KL: variants seen among roughly 807,000 people sequenced by gnomAD.
KL encodes alpha-klotho.
Under a neutral mutation model 84.2 loss-of-function variants are expected in KL, and 62 were observed. The observed-to-expected ratio is 0.74, with a 90% CI of 0.60 to 0.91. KL has a LOEUF of 0.91. KL is among the 40% of genes least tolerant of loss of function. KL has a pLI of 0.00. For synonymous variants in KL, 528 were observed against 528.0 expected, an observed-to-expected ratio of 1.00 and a Z score of 0.00; for missense variants, 1,261 against 1,305.7, an observed-to-expected ratio of 0.97 and a Z score of 0.53.
intron 1 of KL, among the ~76,000 whole-genome samples, chr13:33,051,094 A>ACATTCTCT (rs1272664935): frequency 3.9e-5 from 6 of 152,310 alleles, no homozygotes; most frequent in African/African-American, 1.4e-4. Flanking sequence ...CTAGAGAGAG[A>ACATTCTCT]AGGGATACGC....
At chr13:33,017,651 G>A (rs1442186484) in intron 1 of KL, among the ~76,000 whole-genome samples, 1 of 152,232 alleles carries the variant, frequency 6.6e-6, no homozygotes, top group Non-Finnish European at 1.5e-5. Context: ...AAGCCGCACA[G>A]ATAGCATTAC....
intron 4 of KL, among the ~76,000 whole-genome samples, chr13:33,062,495 A>C (rs1214356846): frequency 6.6e-6 from 1 of 151,992 alleles, no homozygotes; most frequent in Non-Finnish European, 1.5e-5. Context: ...CAACATGGTG[A>C]AACCCCGTCT....
chr13:33,041,395 A>ACTTTTTAAATAGTGC (rs1403685783), intron 1 of KL, among the ~76,000 whole-genome samples: 1 of 142,004 alleles, frequency 7.0e-6, no homozygotes, highest in African/African-American at 2.5e-5. Flanking sequence ...TTTTGCCATT[A>ACTTTTTAAATAGTGC]CTTTTTAAAT....
At chr13:33,019,552 GC>G in intron 1 of KL, among the ~76,000 whole-genome samples, 1 of 152,072 alleles carries the variant, frequency 6.6e-6, no homozygotes, top group Non-Finnish European at 1.5e-5. Flanking sequence ...ATGATGGGAA[GC>G]TTGACCCCTC....
chr13:33,045,730 C>T (rs536567676), intron 1 of KL, among the ~76,000 whole-genome samples: 2 of 152,280 alleles, frequency 1.3e-5, no homozygotes, highest in South Asian at 2.1e-4. Context: ...CCGCCCGCCT[C>T]GGCCTCCCAA....
In KL at chr13:33,016,968, G is replaced by A. The variant is rs1487267871; in HGVS notation, c.528G>A (p.Leu176=). Residue 176 remains leucine (L), a synonymous_variant, in exon 1 of 5, where the codon CTG becomes CTA. Coordinates refer to ENST00000380099, the MANE Select transcript of KL (RefSeq NM_004795.4). ...NREGLRYYRR[L]LERLRELGVQ... ...AGGGGCTGCGCTACTACCGGCGCCTGCTGGAGCGGCTGCGGGAGCTGGGCG... is the reference window on the plus strand; with the variant it reads ...AGGGGCTGCGCTACTACCGGCGCCTACTGGAGCGGCTGCGGGAGCTGGGCG... 6.3e-7 allele frequency: 1 copy of A among 1,598,054 alleles called. No homozygotes were observed. The highest frequency in any genetic ancestry group is 2.2e-5 in the East Asian group (1 of 44,484).
intron 1 of KL, among the ~76,000 whole-genome samples, chr13:33,027,211 C>G (rs1870810011): frequency 6.6e-6 from 1 of 152,188 alleles, no homozygotes; most frequent in Admixed American, 6.5e-5. Context: ...TCTTCTCTAT[C>G]AGGCCCAGCT....
rs766088210 is a variant in KL at position 33,061,101 on chromosome 13, T to G, written c.2022T>G (p.Phe674Leu). 20 of 1,613,918 alleles carry G rather than the reference T, an allele frequency of 1.2e-5. No individual in the cohort carries two copies. The highest frequency in any genetic ancestry group is 1.4e-5 in the Non-Finnish European group (17 of 1,179,868). The change falls in exon 4 of 5, where the codon TTT becomes TTG. Residue 674 changes from phenylalanine (F) to leucine (L), a missense_variant. Phe to Leu is a conservative substitution (Grantham distance 22). Coordinates refer to ENST00000380099, the MANE Select transcript of KL (RefSeq NM_004795.4). ...TTGCAGAGTATGCCCGACTGTGCTT[T>G]CAAGAGCTCGGCCATCACGTCAAGC... ...LAFAEYARLC[F>L]QELGHHVKLW...
chr13:33,024,383 C>A (rs369932216), intron 1 of KL, among the ~76,000 whole-genome samples: 4 of 152,258 alleles, frequency 2.6e-5, no homozygotes, highest in African/African-American at 9.6e-5. Context: ...AGGGGAAAGT[C>A]GACCTATCTC....
intron 1 of KL, among the ~76,000 whole-genome samples, chr13:33,038,918 T>C (rs1871237502): frequency 6.6e-6 from 1 of 152,186 alleles, no homozygotes. Context: ...AAAATTTGTG[T>C]TTTCTTATTC....
intron 4 of KL, among the ~76,000 whole-genome samples, chr13:33,062,302 G>T (rs1872239116): frequency 6.6e-6 from 1 of 151,888 alleles, no homozygotes; most frequent in Non-Finnish European, 1.5e-5. Flanking sequence ...GATTGCTTGA[G>T]CTTGGGAGGT....
At chr13:33,058,747 C>T (rs533660695) in intron 3 of KL, among the ~76,000 whole-genome samples, 43 of 151,390 alleles carry the variant, frequency 2.8e-4, no homozygotes, top group African/African-American at 9.7e-4. Flanking sequence ...GGAACAATCA[C>T]GGTTAAAAAA....
intron 1 of KL, among the ~76,000 whole-genome samples, chr13:33,037,605 C>T (rs757578808): frequency 2.0e-5 from 3 of 152,102 alleles, no homozygotes; most frequent in African/African-American, 7.2e-5. Context: ...TCAGCTTATC[C>T]TTTGACTCTG....
intron 1 of KL, among the ~76,000 whole-genome samples, chr13:33,026,247 T>G (rs756316530): frequency 1.3e-5 from 2 of 152,158 alleles, no homozygotes; most frequent in Non-Finnish European, 2.9e-5. Flanking sequence ...AAGACTGGAT[T>G]TGCCCAGCCA....
chr13:33,044,124 G>A (rs1330056036), intron 1 of KL, among the ~76,000 whole-genome samples: 2 of 152,052 alleles, frequency 1.3e-5, no homozygotes, highest in South Asian at 2.1e-4. Context: ...TGATGCATTC[G>A]TTAGAAATCA....
Position 33,063,418 on chromosome 13 carries a change from A to G in KL, c.2702-431A>G, listed in dbSNP as rs534767501. 4.6e-5 allele frequency among the ~76,000 whole-genome samples: 7 copies of G among 152,166 alleles called. No individual in the cohort carries two copies. The South Asian group carries it at 1.0e-3, about 23-fold the overall frequency. On this transcript the variant is annotated intron_variant, in intron 4 of 4. Coordinates refer to ENST00000380099, the MANE Select transcript of KL (RefSeq NM_004795.4). ...TTTACATAAAATAAAGCCTTTTCTG[A>G]TGAAATCTAATTGAGTCTGAAGTTG...
At chr13:33,038,417 C>T (rs1476132958) in intron 1 of KL, among the ~76,000 whole-genome samples, 2 of 152,206 alleles carry the variant, frequency 1.3e-5, no homozygotes, top group Non-Finnish European at 2.9e-5. Context: ...TTTAAAGGCT[C>T]TTTTCCCCTA....
At chr13:33,033,392 G>T (rs1317656672) in intron 1 of KL, among the ~76,000 whole-genome samples, 1 of 152,194 alleles carries the variant, frequency 6.6e-6, no homozygotes, top group Non-Finnish European at 1.5e-5. Context: ...TCAAGCAGCA[G>T]TTAACGCTGC....
intron 1 of KL, among the ~76,000 whole-genome samples, chr13:33,023,660 A>T (rs1326201649): frequency 6.6e-6 from 1 of 152,176 alleles, no homozygotes; most frequent in Admixed American, 6.5e-5. Context: ...ATAAATATTG[A>T]TTGAACTTTT....
Sources: gnomAD v4.1 joint callset for allele counts (sites outside exome capture counted in the v4.1 genomes callset) on GRCh38, gnomAD v4.1.1 for gene constraint, MANE v1.5 for transcripts, NCBI Gene and HGNC (gene_info 2026-07-23, HGNC 2026-07-21) for gene names.